Variants in MRPS14 observed in about 807,000 individuals in gnomAD.
MRPS14 encodes the protein small ribosomal subunit protein uS14m.
MRPS14 carries 14 observed loss-of-function variants against 16.4 expected under a neutral mutation model. The ratio of observed to expected loss-of-function variants is 0.85; its 90% CI spans 0.56 to 1.33. The LOEUF (loss-of-function observed/expected upper bound fraction) is 1.33. MRPS14 is among the 40% of genes most tolerant of loss of function. The probability of loss-of-function intolerance (pLI) is 0.00; values close to 1 mark genes in which losing one functional copy is unlikely to be tolerated. For missense variants in MRPS14, 162 were observed against 176.8 expected (o/e 0.92, Z 0.48); for synonymous variants, 54 against 61.9 (o/e 0.87, Z 0.60).
chr1:175,014,886 AC>A, intron 2 of MRPS14, 35 bp from the exon 3 acceptor site: 1 of 1,580,236 alleles, frequency 6.3e-7, no homozygotes, highest in Non-Finnish European at 8.6e-7. Context: ...AGATCACATT[AC>A]ATTGTTGCAC....
At chr1:175,023,137 G>A in intron 1 of MRPS14, 1 of 1,081,070 alleles carries the variant, frequency 9.3e-7, no homozygotes, top group Non-Finnish European at 1.3e-6. Flanking sequence ...ACAAATCGGA[G>A]TCAATCTCAC....
rs141763879 is a variant in MRPS14 at position 175,019,628 on chromosome 1, C to G, written c.46-1052G>C. On this transcript the variant is annotated intron_variant, in intron 1 of 2. Transcript: ENST00000476371. ...ATTATTGGGAGCAAAACTGCTAGGT[C>G]AAAGGGTACTTTAAAACTATCACTG... 2.0e-5 allele frequency among the ~76,000 whole-genome samples: 3 copies of G among 152,236 alleles called. No homozygotes were observed. In the East Asian group the frequency reaches 5.8e-4, roughly 29 times the overall value.
At chr1:175,019,485 G>A (rs949903322) in intron 1 of MRPS14, among the ~76,000 whole-genome samples, 1 of 151,896 alleles carries the variant, frequency 6.6e-6, no homozygotes, top group Non-Finnish European at 1.5e-5. Flanking sequence ...TAGTAGAGAT[G>A]GGGTTTCACC....
rs1003101377 is a variant in MRPS14 at position 175,016,958 on chromosome 1, G to A, written c.204+1460C>T. Reference sequence around the variant, plus strand: ...AGTATCTCCTGATTTCCCCCTGCCCGCCATACCCCCTAGTCCTCCTAGCTC... The same window carrying A: ...AGTATCTCCTGATTTCCCCCTGCCCACCATACCCCCTAGTCCTCCTAGCTC... On this transcript the variant is annotated intron_variant, in intron 2 of 2. Transcript: ENST00000476371. 2.6e-5 allele frequency among the ~76,000 whole-genome samples: 4 copies of A among 151,378 alleles called. No individual in the cohort carries two copies. The East Asian group carries it at 5.8e-4, about 22-fold the overall frequency.
intron 1 of MRPS14, chr1:175,023,153 C>T: frequency 8.1e-7 from 1 of 1,227,868 alleles, no homozygotes; most frequent in Non-Finnish European, 1.1e-6. Flanking sequence ...CTCACATCTT[C>T]CAATACCAGT....
rs1672815900 is a variant in MRPS14 at position 175,013,342 on chromosome 1, T to G, written c.*1327A>C. ...CTAAATTTGTTCTTTTTCCAAATTT[T>G]CTATCTTGGAGTTGCCCTCTTGGAA... On this transcript the variant is annotated 3_prime_UTR_variant, in exon 3 of 3. Transcript: ENST00000476371. 1 of 152,214 alleles carries G rather than the reference T, an allele frequency of 6.6e-6. No homozygotes were observed. Among genetic ancestry groups the G allele is most frequent in the South Asian group, 2.1e-4 (1 of 4,828 alleles). The allele number at this position is 152,214 out of a possible 1,614,324, so 9.4% of individuals were successfully genotyped here.
chr1:175,014,217 C>G lies in MRPS14; in HGVS notation c.*452G>C. 1 of 209,282 alleles carries G rather than the reference C, an allele frequency of 4.8e-6. No homozygotes were observed. The allele number at this position is 209,282 out of a possible 1,614,324, so 13.0% of individuals were successfully genotyped here. A position where few individuals can be genotyped will look rare whatever the true frequency, so the allele number is the denominator to read the frequency against. ...CAGCCTTGCTATCCAATCTGTTTAT[C>G]TAACAATAATAGTTAAGGGGAGCTC... On this transcript the variant is annotated 3_prime_UTR_variant, in exon 3 of 3. Coordinates refer to ENST00000476371, the MANE Select transcript of MRPS14 (RefSeq NM_022100.3).
intron 1 of MRPS14, 39 bp downstream of exon 1, chr1:175,023,325 G>A (rs1574119620): frequency 3.7e-6 from 6 of 1,609,730 alleles, no homozygotes; most frequent in Admixed American, 3.4e-5. Context: ...GAGATTCAGC[G>A]GTGAGGGGTA....
chr1:175,019,238 C>A (rs1558331113), intron 1 of MRPS14, among the ~76,000 whole-genome samples: 3 of 152,090 alleles, frequency 2.0e-5, no homozygotes, highest in Non-Finnish European at 4.4e-5. Flanking sequence ...TCTTGGAAAT[C>A]ATTTCATATG....
At chr1:175,017,309 G>C (rs1378153495) in intron 2 of MRPS14, among the ~76,000 whole-genome samples, 1 of 152,112 alleles carries the variant, frequency 6.6e-6, no homozygotes, top group Non-Finnish European at 1.5e-5. Flanking sequence ...GCCTCCCAAA[G>C]TGCTGGGATT....
Position 175,014,665 on chromosome 1 carries a change from T to C in MRPS14, c.*4A>G, listed in dbSNP as rs1236566723. ...CTGCAAGCTCAATAGGTTCTGGAGC[T>C]CATTTACCATGTCGCTCGCTGGATC... On this transcript the variant is annotated 3_prime_UTR_variant, in exon 3 of 3. Coordinates refer to ENST00000476371, the MANE Select transcript of MRPS14 (RefSeq NM_022100.3). The C allele has an allele frequency of 5.0e-6, 8 of 1,602,610 alleles. 1 individual carries two copies. The East Asian group carries it at 1.6e-4, about 31-fold the overall frequency.
Position 175,013,026 on chromosome 1 carries a change from T to C in MRPS14, c.*1643A>G, listed in dbSNP as rs1490382486. 6.6e-6 allele frequency: 1 copy of C among 152,216 alleles called. No individual in the cohort carries two copies. Among genetic ancestry groups the C allele is most frequent in the Non-Finnish European group, 1.5e-5 (1 of 68,040 alleles). The allele number at this position is 152,216 out of a possible 1,614,324, so 9.4% of individuals were successfully genotyped here. On this transcript the variant is annotated 3_prime_UTR_variant, in exon 3 of 3. Coordinates refer to ENST00000476371, the MANE Select transcript of MRPS14 (RefSeq NM_022100.3). The stretch of plus-strand genomic sequence containing the variant: ...GTTCAAACTATAGCATGTATATATA[T>C]CAAGTTGGCAGTATAAACTACTTGC...
At chr1:175,021,207 C>T (rs1051960973) in intron 1 of MRPS14, among the ~76,000 whole-genome samples, 2 of 152,062 alleles carry the variant, frequency 1.3e-5, no homozygotes, top group African/African-American at 4.8e-5. Context: ...TACTACCTTC[C>T]ACTCCCTCTC....
chr1:175,019,380 C>T (rs1272359349), intron 1 of MRPS14, among the ~76,000 whole-genome samples: 8 of 152,170 alleles, frequency 5.3e-5, no homozygotes, highest in Admixed American at 3.3e-4. Context: ...CTCCCGGGTT[C>T]AAGCAATTCT....
chr1:175,015,078 G>A (rs1672856629), intron 2 of MRPS14, among the ~76,000 whole-genome samples: 1 of 151,746 alleles, frequency 6.6e-6, no homozygotes, highest in Non-Finnish European at 1.5e-5. Flanking sequence ...CTCCCGAGTA[G>A]CTGAGATTAC....
At chr1:175,016,138 G>A (rs1295937097) in intron 2 of MRPS14, among the ~76,000 whole-genome samples, 1 of 151,032 alleles carries the variant, frequency 6.6e-6, no homozygotes, top group Non-Finnish European at 1.5e-5. Flanking sequence ...CAGATGTGGT[G>A]AGCCCAGATT....
chr1:175,020,174 A>C (rs1246440169), intron 1 of MRPS14, among the ~76,000 whole-genome samples: 1 of 152,222 alleles, frequency 6.6e-6, no homozygotes, highest in African/African-American at 2.4e-5. Flanking sequence ...GCAATTCAAC[A>C]TTGAAATGCT....
intron 1 of MRPS14, among the ~76,000 whole-genome samples, chr1:175,021,317 T>G (rs1290751050): frequency 7.9e-5 from 12 of 152,202 alleles, no homozygotes; most frequent in Admixed American, 7.9e-4. Context: ...TGTTCCTATC[T>G]TAATTCCTGG....
At position 175,014,249 on chromosome 1, in the gene MRPS14, T is replaced by C. The variant is rs1672838975; in HGVS notation, c.*420A>G. 3.8e-6 allele frequency: 1 copy of C among 266,318 alleles called. No homozygotes were observed. The highest frequency in any genetic ancestry group is 2.2e-5 in the African/African-American group (1 of 45,556). The allele number at this position is 266,318 out of a possible 1,614,324, so 16.5% of individuals were successfully genotyped here. A position where few individuals can be genotyped will look rare whatever the true frequency, so the allele number is the denominator to read the frequency against. On this transcript the variant is annotated 3_prime_UTR_variant, in exon 3 of 3. Coordinates refer to ENST00000476371, the MANE Select transcript of MRPS14 (RefSeq NM_022100.3). ...TAATAGTTAAGGGGAGCTCTGCAGG[T>C]CAGCAAAGCTAGTCCAGGATTACAA...
Sources: gnomAD v4.1 joint callset for allele counts (sites outside exome capture counted in the v4.1 genomes callset) on GRCh38, gnomAD v4.1.1 for gene constraint, MANE v1.5 for transcripts, NCBI Gene and HGNC (gene_info 2026-07-23, HGNC 2026-07-21) for gene names.